The following TBC1D30 variants were observed in gnomAD, a reference collection of about 807,000 sequenced individuals.
The protein encoded by TBC1D30 is TBC1 domain family member 30.
TBC1D30 carries 31 observed loss-of-function variants against 63.2 expected under a neutral mutation model. That is an observed-to-expected ratio of 0.49 (90% CI 0.37 to 0.66). The LOEUF is 0.66. Among genes scored for constraint, TBC1D30 ranks in the 30% least tolerant of loss-of-function variants. The probability of loss-of-function intolerance (pLI) is 0.00; values close to 1 mark genes in which losing one functional copy is unlikely to be tolerated. For missense variants in TBC1D30, 810 were observed against 953.6 expected, an observed-to-expected ratio of 0.85 and a Z score of 1.98; for synonymous variants, 307 against 361.5, an observed-to-expected ratio of 0.85 and a Z score of 1.71.
chr12:64,786,186 C>A, intron 2 of TBC1D30: 1 of 439,424 alleles, frequency 2.3e-6, no homozygotes, highest in African/African-American at 2.1e-5. Context: ...CAAGGAACAA[C>A]TCAGACAGTT....
At chr12:64,853,260 C>G (rs958266205) in intron 8 of TBC1D30, among the ~76,000 whole-genome samples, 1 of 152,190 alleles carries the variant, frequency 6.6e-6, no homozygotes, top group Non-Finnish European at 1.5e-5. Flanking sequence ...CCTCCCAGTT[C>G]GAACTTCCTG....
In TBC1D30 at chr12:64,877,907, G is replaced by A. The variant is rs1245488934; in HGVS notation, c.*2119G>A. 1 of 153,390 alleles carries A rather than the reference G, an allele frequency of 6.5e-6. No individual in the cohort carries two copies. The highest frequency in any genetic ancestry group is 1.5e-5 in the Non-Finnish European group (1 of 68,810). 9.5% of individuals were successfully genotyped at this position (153,390 alleles called of 1,614,324 possible). ...GCTCACTAGCTCCCTGATGGTCTGG[G>A]TTCAAGGAAATGGTTAATGAGGTAG... is the stretch of plus-strand genomic sequence containing the variant. On this transcript the variant is annotated 3_prime_UTR_variant, in exon 12 of 12. Transcript: ENST00000539867.
chr12:64,781,320 T>C, intron 1 of TBC1D30: 1 of 1,079,418 alleles, frequency 9.3e-7, no homozygotes, highest in South Asian at 2.1e-5. Context: ...CCCGGGGGCT[T>C]CCTGGAGCCG....
chr12:64,780,874 C>T (rs1010784620), exon 1 of TBC1D30: 46 of 1,012,560 alleles, frequency 4.5e-5, no homozygotes, highest in Non-Finnish European at 2.1e-5. Context: ...TCCGCGGCGG[C>T]GGTGGCGAGG....
intron 8 of TBC1D30, among the ~76,000 whole-genome samples, chr12:64,850,899 G>T (rs563572233): frequency 6.6e-6 from 1 of 152,278 alleles, no homozygotes; most frequent in South Asian, 2.1e-4. Context: ...GAATCCATCT[G>T]ATCCTGGGCT....
At position 64,830,385 on chromosome 12, in the gene TBC1D30, G is replaced by T; in HGVS notation, c.291G>T (p.Leu97Phe). ...TCTATGTAATATTTTAGGTTTGGTTGACCTTGGCAGATCATTATTTGCACA... is the reference window on the plus strand; with the variant it reads ...TCTATGTAATATTTTAGGTTTGGTTTACCTTGGCAGATCATTATTTGCACA... ...IPKEWRRKVW[L>F]TLADHYLHSI... is the part of the protein sequence containing the mutation. The change falls in exon 4 of 12, where the codon TTG (leucine) becomes TTT (phenylalanine). Residue 97 changes from leucine to phenylalanine, a missense_variant. Transcript: ENST00000539867. The T allele has an allele frequency of 6.6e-7, 1 of 1,526,572 alleles. No homozygotes were observed. Among genetic ancestry groups the T allele is most frequent in the South Asian group, 1.2e-5 (1 of 83,066 alleles). 94.6% of individuals were successfully genotyped at this position (1,526,572 alleles called of 1,614,324 possible). A position where few individuals can be genotyped will look rare whatever the true frequency, so the allele number is the denominator to read the frequency against.
chr12:64,769,450 T>C (rs1478993292), intron 1 of TBC1D30, among the ~76,000 whole-genome samples: 1 of 151,368 alleles, frequency 6.6e-6, no homozygotes, highest in Non-Finnish European at 1.5e-5. Flanking sequence ...TGATCTCGGC[T>C]CACTGCAACC....
chr12:64,829,683 G>A (rs1437388985), intron 3 of TBC1D30, among the ~76,000 whole-genome samples: 1 of 152,156 alleles, frequency 6.6e-6, no homozygotes, highest in African/African-American at 2.4e-5. Flanking sequence ...GCTAAATCAT[G>A]TTTAAATACC....
At chr12:64,820,938 C>T (rs1873851003), upstream of TBC1D30, among the ~76,000 whole-genome samples, 1 of 152,240 alleles carries the variant, frequency 6.6e-6, no homozygotes, top group Admixed American at 6.5e-5. Context: ...TTATTGCCAT[C>T]ATAGCAGAAA....
intron 1 of TBC1D30, among the ~76,000 whole-genome samples, chr12:64,784,957 A>G (rs1871478864): frequency 6.6e-6 from 1 of 152,108 alleles, no homozygotes; most frequent in Admixed American, 6.6e-5. Context: ...TTTATTTTCT[A>G]CCATATTTGA....
At chr12:64,801,037 C>T (rs957209379) in intron 2 of TBC1D30, among the ~76,000 whole-genome samples, 6 of 152,112 alleles carry the variant, frequency 3.9e-5, no homozygotes, top group Admixed American at 1.3e-4. Context: ...CTGTCCCTCT[C>T]CGTTTGTTAG....
At chr12:64,763,164 C>G (rs532350861) in intron 1 of TBC1D30, among the ~76,000 whole-genome samples, 4 of 152,280 alleles carry the variant, frequency 2.6e-5, no homozygotes, top group Admixed American at 2.6e-4. Context: ...CCATGTTGGC[C>G]AGGCTGGTCT....
upstream of TBC1D30, among the ~76,000 whole-genome samples, chr12:64,776,696 T>C (rs1273236046): frequency 1.3e-5 from 2 of 152,118 alleles, no homozygotes; most frequent in South Asian, 2.1e-4. Flanking sequence ...AGAGCTGATA[T>C]CATTCCCACT....
At chr12:64,767,554 TGAA>T (rs941616990) in intron 1 of TBC1D30, among the ~76,000 whole-genome samples, 1 of 152,118 alleles carries the variant, frequency 6.6e-6, no homozygotes, top group African/African-American at 2.4e-5. Flanking sequence ...TCATACAGAA[TGAA>T]CAACAAAAGA....
intron 2 of TBC1D30, among the ~76,000 whole-genome samples, chr12:64,805,379 T>C (rs1778585299): frequency 6.6e-6 from 1 of 152,158 alleles, no homozygotes. Flanking sequence ...ATAATAATAA[T>C]CATCCCTTTT....
chr12:64,793,644 G>C lies in TBC1D30; in HGVS notation c.643+7599G>C, dbSNP rs143658885. Among the ~76,000 whole-genome samples, 326 of 152,294 alleles carry C rather than the reference G, an allele frequency of 2.1e-3. 2 individuals carry two copies. The highest frequency in any genetic ancestry group is 7.1e-3 in the African/African-American group (296 of 41,570). ...CCACTGCACTCCAGCCTGGGCAACAGAGCAAGACTCCATCTCTAAAAAACA... is the reference window on the plus strand; with the variant it reads ...CCACTGCACTCCAGCCTGGGCAACACAGCAAGACTCCATCTCTAAAAAACA... On this transcript the variant is annotated intron_variant, in intron 2 of 12. Transcript: ENST00000542120.
intron 8 of TBC1D30, 75 bp from the exon 9 acceptor site, chr12:64,864,593 T>G: frequency 9.7e-7 from 1 of 1,035,580 alleles, no homozygotes; most frequent in Non-Finnish European, 1.4e-6. Context: ...CATAAAACTT[T>G]AATGTCTTTC....
chr12:64,778,525 T>A (rs2136285850), upstream of TBC1D30, among the ~76,000 whole-genome samples: 1 of 150,028 alleles, frequency 6.7e-6, no homozygotes, highest in African/African-American at 2.5e-5. Flanking sequence ...AATAGGGTGG[T>A]TATGGAGTGA....
rs1172455803 is a variant in TBC1D30, at chr12:64,836,553, T to C, written c.658T>C (p.Leu220=). ...CTATTTCGTCAATAATCTCCGGGCA[T>C]TGTCTGTGGATATGGCTGTCTTCAG... ...ESYFVNNLRA[L]SVDMAVFRDL... is the part of the protein sequence containing the mutation. The change falls in exon 6 of 12, where the codon TTG becomes CTG. Residue 220 remains leucine (L), a synonymous_variant. Transcript: ENST00000539867. 2.0e-6 allele frequency: 3 copies of C among 1,536,040 alleles called. No homozygotes were observed. Among genetic ancestry groups the C allele is most frequent in the East Asian group, 4.9e-5 (2 of 40,898 alleles).
Sources: gnomAD v4.1 joint callset for allele counts (sites outside exome capture counted in the v4.1 genomes callset) on GRCh38, gnomAD v4.1.1 for gene constraint, MANE v1.5 for transcripts, NCBI Gene and HGNC (gene_info 2026-07-23, HGNC 2026-07-21) for gene names.